The following PPM1L variants were observed in gnomAD, a reference collection of about 807,000 sequenced individuals.
The protein encoded by PPM1L is protein phosphatase 1L.
In PPM1L, 13 loss-of-function variants were observed where a neutral mutation model predicts 31.4. The observed-to-expected ratio is 0.41, with a 90% CI of 0.27 to 0.66. The LOEUF is 0.66. Among genes scored for constraint, PPM1L ranks in the 30% least tolerant of loss-of-function variants. The pLI is 0.29. For missense variants in PPM1L, 326 were observed against 453.7 expected (o/e 0.72, Z 2.56); for synonymous variants, 184 against 175.4 (o/e 1.05, Z -0.39).
intron 2 of PPM1L, among the ~76,000 whole-genome samples, chr3:161,062,708 C>T (rs528195186): frequency 6.6e-5 from 10 of 152,252 alleles, no homozygotes; most frequent in African/African-American, 1.2e-4. Flanking sequence ...AGAAATCTTG[C>T]GTGGCAGCTG....
At position 161,076,801 on chromosome 3, in the gene PPM1L, C is replaced by T. The variant is rs1338025260; in HGVS notation, c.*7644C>T. 1.3e-5 allele frequency: 2 copies of T among 152,016 alleles called. No homozygotes were observed. The highest frequency in any genetic ancestry group is 1.3e-4 in the Admixed American group (2 of 15,266). 9.4% of individuals were successfully genotyped at this position (152,016 alleles called of 1,614,324 possible). ...AATTAAACAGTTCATTCCAAAAGAC[C>T]CCAATGTAAACTCTGCTCACATACA... is the stretch of plus-strand genomic sequence containing the variant. On this transcript the variant is annotated 3_prime_UTR_variant, in exon 4 of 4. Coordinates refer to ENST00000498165, the MANE Select transcript of PPM1L (RefSeq NM_139245.4).
intron 2 of PPM1L, among the ~76,000 whole-genome samples, chr3:161,011,685 T>G (rs1459417568): frequency 1.3e-5 from 2 of 152,218 alleles, no homozygotes. Context: ...TATCCTCTTT[T>G]ATTTCGTTGA....
chr3:160,809,341 C>A (rs1227227219), intron 1 of PPM1L, among the ~76,000 whole-genome samples: 2 of 152,152 alleles, frequency 1.3e-5, no homozygotes, highest in Non-Finnish European at 2.9e-5. Context: ...ATCCCTACCT[C>A]ATAAGTCCTG....
chr3:161,016,811 A>G (rs1718100865), intron 2 of PPM1L, among the ~76,000 whole-genome samples: 1 of 152,154 alleles, frequency 6.6e-6, no homozygotes, highest in African/African-American at 2.4e-5. Context: ...GATTATAACA[A>G]TATGTGGATG....
At chr3:160,832,507 C>T (rs183286344) in intron 1 of PPM1L, among the ~76,000 whole-genome samples, 90 of 152,052 alleles carry the variant, frequency 5.9e-4, no homozygotes, top group African/African-American at 2.1e-3. Context: ...TGAGACATAC[C>T]TTGTTCTTGT....
At chr3:160,764,795 G>C (rs1376078951) in intron 1 of PPM1L, among the ~76,000 whole-genome samples, 1 of 152,066 alleles carries the variant, frequency 6.6e-6, no homozygotes, top group Non-Finnish European at 1.5e-5. Context: ...TTTATATTTT[G>C]AGTGTATTTT....
chr3:161,035,085 G>A (rs1285361270), intron 2 of PPM1L, among the ~76,000 whole-genome samples: 1 of 151,156 alleles, frequency 6.6e-6, no homozygotes. Context: ...GGCCTGTCAG[G>A]GGGTGGGGGG....
chr3:161,016,115 A>G (rs9879296), intron 2 of PPM1L, among the ~76,000 whole-genome samples: 33,483 of 152,076 alleles, frequency 0.22, 4,006 homozygotes, highest in South Asian at 0.3. Context: ...TATTTATACT[A>G]TTTTTATCAA....
chr3:161,019,962 T>TA (rs1336413211), intron 2 of PPM1L, among the ~76,000 whole-genome samples: 2 of 151,874 alleles, frequency 1.3e-5, no homozygotes, highest in Non-Finnish European at 2.9e-5. Flanking sequence ...CCCTCTCTAC[T>TA]AAAAATACAA....
At position 160,942,302 on chromosome 3, in the gene PPM1L, C is replaced by A. The variant is rs562549795; in HGVS notation, c.400-19434C>A. On this transcript the variant is annotated intron_variant, in intron 1 of 3. Transcript: ENST00000498165. ...AGAGATGGGAGTCTTGCTATATTGC[C>A]TAGGCTGGTTTCAAACTCCCTGACT... is the stretch of plus-strand genomic sequence containing the variant. 5.1e-4 allele frequency among the ~76,000 whole-genome samples: 78 copies of A among 152,048 alleles called. 1 individual carries two copies. Among genetic ancestry groups the A allele is most frequent in the Non-Finnish European group, 1.0e-3 (71 of 67,980 alleles).
chr3:160,812,179 T>TTTGGCCC (rs1467303449), intron 1 of PPM1L, among the ~76,000 whole-genome samples: 1 of 152,212 alleles, frequency 6.6e-6, no homozygotes, highest in African/African-American at 2.4e-5. Flanking sequence ...TATGTGAGGC[T>TTTGGCCC]TTGGCCCTTT....
chr3:161,020,690 T>C (rs1215580512), intron 2 of PPM1L, among the ~76,000 whole-genome samples: 1 of 152,206 alleles, frequency 6.6e-6, no homozygotes, highest in Non-Finnish European at 1.5e-5. Flanking sequence ...GGTTTTTCTT[T>C]ATGGGAAGCT....
intron 1 of PPM1L, among the ~76,000 whole-genome samples, chr3:160,926,503 T>G (rs1193292388): frequency 1.3e-5 from 2 of 152,022 alleles, no homozygotes; most frequent in Non-Finnish European, 2.9e-5. Context: ...ACACCAAGAG[T>G]TTAAGCTTTT....
chr3:160,802,940 C>G (rs1712477697), intron 1 of PPM1L, among the ~76,000 whole-genome samples: 1 of 152,126 alleles, frequency 6.6e-6, no homozygotes, highest in African/African-American at 2.4e-5. Context: ...GGAGATAGAC[C>G]ATGGACTCTA....
intron 1 of PPM1L, among the ~76,000 whole-genome samples, chr3:160,823,200 G>T (rs1305738459): frequency 6.6e-6 from 1 of 151,824 alleles, no homozygotes; most frequent in South Asian, 2.1e-4. Flanking sequence ...ATAGGAAACT[G>T]GTTAATGTTG....
chr3:160,808,330 T>TGTGC, intron 1 of PPM1L, among the ~76,000 whole-genome samples: 1 of 141,336 alleles, frequency 7.1e-6, no homozygotes, highest in Admixed American at 6.9e-5. Context: ...TGCGTGCATG[T>TGTGC]GTGGTGGGTG....
chr3:161,011,130 TA>T (rs1717880434), intron 2 of PPM1L, among the ~76,000 whole-genome samples: 1 of 152,226 alleles, frequency 6.6e-6, no homozygotes, highest in South Asian at 2.1e-4. Context: ...GGTTTTCTTC[TA>T]GGGTTTTTAT....
intron 1 of PPM1L, among the ~76,000 whole-genome samples, chr3:160,862,662 GCACACACACA>G (rs6148164): frequency 1.9e-4 from 24 of 127,224 alleles, no homozygotes; most frequent in Middle Eastern, 3.7e-3. Context: ...CTAGGCACAC[GCACACACACA>G]CACACACACA....
intron 1 of PPM1L, chr3:160,842,160 A>G (rs1254234129): frequency 4.5e-6 from 3 of 668,824 alleles, no homozygotes; most frequent in African/African-American, 1.8e-5. Context: ...TGCATCCTGA[A>G]ATAGTTGGGG....
Sources: allele counts gnomAD v4.1 joint callset (sites outside exome capture counted in the v4.1 genomes callset), GRCh38; gene constraint gnomAD v4.1.1; transcripts MANE v1.5; gene names NCBI Gene and HGNC (gene_info 2026-07-23, HGNC 2026-07-21).